Variants in AGAP1 observed in about 807,000 individuals in gnomAD.
AGAP1 encodes ArfGAP with GTPase domain, ankyrin repeat and PH domain 1.
Under a neutral mutation model 105.3 loss-of-function variants are expected in AGAP1, and 29 were observed. The observed-to-expected ratio is 0.28, with a 90% confidence interval of 0.21 to 0.38. The LOEUF is 0.38. AGAP1 is among the 10% of genes least tolerant of loss of function. The probability of loss-of-function intolerance (pLI) is 1.00; values close to 1 mark genes in which losing one functional copy is unlikely to be tolerated. For synonymous variants in AGAP1, 509 were observed against 485.9 expected (o/e 1.05, Z -0.63); for missense variants, 998 against 1,165.1 (o/e 0.86, Z 2.09).
Position 235,777,014 on chromosome 2 carries a change from G to A in AGAP1, c.674-20745G>A, listed in dbSNP as rs1413184346. ...TCCCAGCACGTTTTATCATGTGAGC[G>A]TCTGCTCTTGAGAGGCCAGGCTGGA... On this transcript the variant is annotated intron_variant, in intron 6 of 17. Coordinates refer to ENST00000304032, the MANE Select transcript of AGAP1 (RefSeq NM_001037131.3). This position sits in a 1 kb window ranked among gnomAD's most constrained non-coding sequence, Gnocchi z 5.1. The A allele has an allele frequency of 3.6e-5, 17 of 471,062 alleles. No homozygotes were observed. Among genetic ancestry groups the A allele is most frequent in the African/African-American group, 8.0e-5 (4 of 50,080 alleles). The allele number at this position is 471,062 out of a possible 1,614,324, so 29.2% of individuals were successfully genotyped here.
intron 1 of AGAP1, among the ~76,000 whole-genome samples, chr2:235,604,572 CTTTTTTTTTTTTTTTTTT>C (rs1166523228): frequency 5.7e-5 from 4 of 69,672 alleles, no homozygotes; most frequent in Non-Finnish European, 9.9e-5. Context: ...TTTTTATTAT[CTTTTTTTTTTTTTTTTTT>C]TTTTTTTTTT....
intron 1 of AGAP1, among the ~76,000 whole-genome samples, chr2:235,613,030 T>G (rs951762895): frequency 4.6e-5 from 7 of 151,810 alleles, no homozygotes; most frequent in Non-Finnish European, 1.0e-4. Flanking sequence ...AGTTTTGTTT[T>G]TTTTTTTTTT....
At position 235,908,634 on chromosome 2, in the gene AGAP1, T is replaced by C; in HGVS notation, c.1156-104T>C. On this transcript the variant is annotated intron_variant, in intron 10 of 17. Transcript: ENST00000304032. This position sits in a 1 kb window ranked among gnomAD's most constrained non-coding sequence, Gnocchi z 4.4. Reference sequence around the variant, plus strand: ...TAAAGTACTTTCCACAGTGGAAGGGTCATAGGGTTTTAACTCATGACGTCT... The same window carrying C: ...TAAAGTACTTTCCACAGTGGAAGGGCCATAGGGTTTTAACTCATGACGTCT... 9.5e-7 allele frequency: 1 copy of C among 1,048,786 alleles called. No homozygotes were observed. The highest frequency in any genetic ancestry group is 1.7e-5 in the South Asian group (1 of 57,610). The allele number at this position is 1,048,786 out of a possible 1,614,324, so 65.0% of individuals were successfully genotyped here.
At position 235,801,285 on chromosome 2, in the gene AGAP1, T is replaced by C. The variant is rs1335274262; in HGVS notation, c.957+1763T>C. ...TCTGGGCTGGAAACCATAGTACTTC[T>C]GCAGTGGGGCTTCCGGGAAGACTTC... is the stretch of plus-strand genomic sequence containing the variant. On this transcript the variant is annotated intron_variant, in intron 8 of 17. Coordinates refer to ENST00000304032, the MANE Select transcript of AGAP1 (RefSeq NM_001037131.3). The surrounding 1 kb of genome is among the most constrained non-coding windows in gnomAD (Gnocchi z 6.0). Among the ~76,000 whole-genome samples, 2 of 152,130 alleles carry C rather than the reference T, an allele frequency of 1.3e-5. No individual in the cohort carries two copies. The highest frequency in any genetic ancestry group is 2.9e-5 in the Non-Finnish European group (2 of 68,012).
At chr2:235,785,792 T>C (rs1260716618) in intron 6 of AGAP1, among the ~76,000 whole-genome samples, 1 of 152,240 alleles carries the variant, frequency 6.6e-6, no homozygotes, top group Non-Finnish European at 1.5e-5. Context: ...TCTGTCTTCA[T>C]AGTTTATCGT....
At position 235,709,207 on chromosome 2, in the gene AGAP1, G is replaced by A. The variant is rs1247909585; in HGVS notation, c.192G>A (p.Thr64=). 5 of 1,613,950 alleles carry A rather than the reference G, an allele frequency of 3.1e-6. No homozygotes were observed. Among genetic ancestry groups the A allele is most frequent in the Admixed American group, 3.3e-5 (2 of 59,990 alleles). Residue 64 remains threonine (T), a synonymous_variant, in exon 2 of 18, where the codon ACG becomes ACA. Transcript: ENST00000304032. ...CCTTCGTGAACAGCCAGGAATGGAC[G>A]CTGAGTCGATCTGTCCCGGAGCTCA... is the stretch of plus-strand genomic sequence containing the variant. ...EDAFVNSQEW[T]LSRSVPELKV...
rs972209507 is a variant in AGAP1 at position 235,736,797 on chromosome 2, T to C, written c.311-4166T>C. Among the ~76,000 whole-genome samples the C allele has an allele frequency of 6.6e-6, 1 of 152,076 alleles. No individual in the cohort carries two copies. The highest frequency in any genetic ancestry group is 2.4e-5 in the African/African-American group (1 of 41,394). On this transcript the variant is annotated intron_variant, in intron 3 of 17. Coordinates refer to ENST00000304032, the MANE Select transcript of AGAP1 (RefSeq NM_001037131.3). The surrounding 1 kb of genome is among the most constrained non-coding windows in gnomAD (Gnocchi z 5.5). ...TCGAGGCTGCAGTGAGTCATGTCCG[T>C]GCCACCGCACTCCAGCCTAGGCAAC...
chr2:235,546,611 G>C (rs1017691599), intron 1 of AGAP1, among the ~76,000 whole-genome samples: 7 of 152,092 alleles, frequency 4.6e-5, no homozygotes, highest in Admixed American at 4.6e-4. Context: ...TGACGGTCAG[G>C]GTGTGAGTGT....
At chr2:235,836,668 A>G (rs1960200651) in intron 9 of AGAP1, among the ~76,000 whole-genome samples, 1 of 152,178 alleles carries the variant, frequency 6.6e-6, no homozygotes, top group South Asian at 2.1e-4. Context: ...GCAGGCATTT[A>G]AAGTTAACCA....
chr2:235,549,739 T>C lies in AGAP1; in HGVS notation c.163+54890T>C, dbSNP rs1943743074. On this transcript the variant is annotated intron_variant, in intron 1 of 17. Coordinates refer to ENST00000304032, the MANE Select transcript of AGAP1 (RefSeq NM_001037131.3). This position sits in a 1 kb window ranked among gnomAD's most constrained non-coding sequence, Gnocchi z 4.2. The stretch of plus-strand genomic sequence containing the variant: ...ATGCATTTAAGAGTGCTCTTAGCAG[T>C]TCGCGTTCTATATAGAACTGTTTAC... Among the ~76,000 whole-genome samples the C allele has an allele frequency of 6.6e-6, 1 of 152,214 alleles. No individual in the cohort carries two copies. Among genetic ancestry groups the C allele is most frequent in the African/African-American group, 2.4e-5 (1 of 41,456 alleles).
chr2:235,746,376 A>AATT (rs1559427651), intron 5 of AGAP1, among the ~76,000 whole-genome samples: 1 of 44,092 alleles, frequency 2.3e-5, no homozygotes, highest in Non-Finnish European at 4.3e-5. Context: ...ACCTCCCCCA[A>AATT]CTTTTTTTTT....
At chr2:235,570,480 G>T (rs1217398220) in intron 1 of AGAP1, among the ~76,000 whole-genome samples, 2 of 152,198 alleles carry the variant, frequency 1.3e-5, no homozygotes, top group Admixed American at 1.3e-4. Context: ...AAATATGCTT[G>T]GGTCCCTTTT....
intron 1 of AGAP1, among the ~76,000 whole-genome samples, chr2:235,602,288 A>G (rs1188859618): frequency 1.3e-5 from 2 of 152,228 alleles, no homozygotes; most frequent in Non-Finnish European, 2.9e-5. Context: ...GGCTGCTTTC[A>G]TGTGACATCA....
At chr2:235,696,160 C>G (rs572852236) in intron 1 of AGAP1, among the ~76,000 whole-genome samples, 2 of 152,336 alleles carry the variant, frequency 1.3e-5, no homozygotes, top group South Asian at 4.1e-4. Context: ...ATTCTCCTGC[C>G]TCAGCCTCCA....
At chr2:236,032,624 G>A (rs866869542) in intron 13 of AGAP1, among the ~76,000 whole-genome samples, 11 of 152,156 alleles carry the variant, frequency 7.2e-5, no homozygotes, top group Admixed American at 2.6e-4. Flanking sequence ...CTGGATGCAC[G>A]CGTGCACGTG....
chr2:236,020,216 T>G lies in AGAP1; in HGVS notation c.1646-16345T>G, dbSNP rs1036306952. Among the ~76,000 whole-genome samples, 1 of 152,208 alleles carries G rather than the reference T, an allele frequency of 6.6e-6. No homozygotes were observed. Among genetic ancestry groups the G allele is most frequent in the African/African-American group, 2.4e-5 (1 of 41,454 alleles). On this transcript the variant is annotated intron_variant, in intron 13 of 17. Coordinates refer to ENST00000304032, the MANE Select transcript of AGAP1 (RefSeq NM_001037131.3). This position sits in a 1 kb window ranked among gnomAD's most constrained non-coding sequence, Gnocchi z 5.0. ...CAGCAAGCTAACATACCTAGAGATG[T>G]GGAACATGGCCCCTGCATTGCTCCT... is the stretch of plus-strand genomic sequence containing the variant.
At chr2:235,764,087 T>G (rs2696409) in intron 6 of AGAP1, among the ~76,000 whole-genome samples, 1 of 115,696 alleles carries the variant, frequency 8.6e-6, no homozygotes, top group African/African-American at 3.4e-5. Context: ...GGCTGTGACA[T>G]GTGGAGGCGA....
At chr2:235,791,487 T>A (rs1320650584) in intron 6 of AGAP1, among the ~76,000 whole-genome samples, 1 of 152,182 alleles carries the variant, frequency 6.6e-6, no homozygotes, top group Admixed American at 6.5e-5. Context: ...TGATATGCCC[T>A]GTCCAAACTC....
chr2:235,804,548 G>T (rs553596029), intron 8 of AGAP1, among the ~76,000 whole-genome samples: 1 of 152,200 alleles, frequency 6.6e-6, no homozygotes, highest in Non-Finnish European at 1.5e-5. Flanking sequence ...GGGTAAACGG[G>T]CTTCTCTTTG....
Sources: gnomAD v4.1 joint callset for allele counts (sites outside exome capture counted in the v4.1 genomes callset) on GRCh38, gnomAD v4.1.1 for gene constraint, Gnocchi (gnomAD v3.1) non-coding constraint, MANE v1.5 for transcripts, NCBI Gene and HGNC (gene_info 2026-07-23, HGNC 2026-07-21) for gene names.